PAM: variants seen among roughly 807,000 people sequenced by gnomAD.
The protein encoded by PAM is peptidylglycine alpha-amidating monooxygenase, also known as peptidyl-glycine alpha-amidating monooxygenase.
PAM carries 72 observed loss-of-function variants against 122.1 expected under a neutral mutation model. The observed-to-expected ratio is 0.59, with a 90% CI of 0.49 to 0.72. PAM has a LOEUF of 0.72. PAM is among the 30% of genes least tolerant of loss of function. The pLI is 0.00. For synonymous variants in PAM, 389 were observed against 404.4 expected, an observed-to-expected ratio of 0.96 and a Z score of 0.46; for missense variants, 1,106 against 1,183.7, an observed-to-expected ratio of 0.93 and a Z score of 0.96.
intron 1 of PAM, among the ~76,000 whole-genome samples, chr5:102,851,423 AT>A (rs1400328230): frequency 6.6e-6 from 1 of 152,180 alleles, no homozygotes. Context: ...CCTTTATCTC[AT>A]TACAATGTAA....
chr5:102,924,841 G>A (rs1748865059), intron 5 of PAM, 116 bp from the exon 6 acceptor site: 2 of 649,260 alleles, frequency 3.1e-6, no homozygotes, highest in South Asian at 3.9e-5. Flanking sequence ...ATGCAATGAT[G>A]ATATATTGAT....
chr5:102,833,963 A>G (rs1776191571), intron 1 of PAM, among the ~76,000 whole-genome samples: 1 of 152,150 alleles, frequency 6.6e-6, no homozygotes, highest in South Asian at 2.1e-4. Flanking sequence ...TCTCCTCTAT[A>G]TTGATTTCAT....
intron 1 of PAM, among the ~76,000 whole-genome samples, chr5:102,856,415 C>T (rs770602081): frequency 5.9e-5 from 9 of 152,118 alleles, no homozygotes; most frequent in Non-Finnish European, 1.0e-4. Flanking sequence ...TAATGCTTTC[C>T]GCTGCAGTTC....
chr5:102,875,607 GC>G (rs1788919824), intron 3 of PAM, among the ~76,000 whole-genome samples: 1 of 152,174 alleles, frequency 6.6e-6, no homozygotes, highest in Non-Finnish European at 1.5e-5. Context: ...GTTAAAAGAT[GC>G]TTTGCAATGA....
rs528960338 is a variant in PAM at position 103,028,368 on chromosome 5, T to C, written c.2743+130T>C. The C allele has an allele frequency of 1.9e-4, 127 of 653,830 alleles. 1 individual carries two copies. In the South Asian group the frequency reaches 2.2e-3, roughly 11 times the overall value. The allele number at this position is 653,830 out of a possible 1,614,324, so 40.5% of individuals were successfully genotyped here. Reference sequence around the variant, plus strand: ...AGCACCTTGTATGCAGCTTAGCATCTCCCAGAGTAAATACAGAATGCACAC... The same window carrying C: ...AGCACCTTGTATGCAGCTTAGCATCCCCCAGAGTAAATACAGAATGCACAC... On this transcript the variant is annotated intron_variant, in intron 25 of 25. Transcript: ENST00000438793.
chr5:102,776,683 A>G lies in PAM; in HGVS notation c.-374+21335A>G, dbSNP rs530111698. On this transcript the variant is annotated intron_variant, in intron 1 of 25. Coordinates refer to ENST00000438793, the MANE Select transcript of PAM (RefSeq NM_001177306.2). ...AGAAACAGATAAAATTTACTCTCTTAACCATTTTTAAATGTACAGGTCAGT... is the reference window on the plus strand; with the variant it reads ...AGAAACAGATAAAATTTACTCTCTTGACCATTTTTAAATGTACAGGTCAGT... Among the ~76,000 whole-genome samples the G allele has an allele frequency of 9.5e-4, 145 of 152,180 alleles. 1 individual carries two copies. Among genetic ancestry groups the G allele is most frequent in the African/African-American group, 3.3e-3 (138 of 41,534 alleles).
At chr5:102,972,698 G>A (rs1000043308) in intron 14 of PAM, among the ~76,000 whole-genome samples, 8 of 152,196 alleles carry the variant, frequency 5.3e-5, no homozygotes, top group African/African-American at 1.9e-4. Flanking sequence ...TGTGGTACAC[G>A]AGAATTTAGC....
At chr5:102,934,859 C>T (rs1752760650) in intron 7 of PAM, among the ~76,000 whole-genome samples, 1 of 152,070 alleles carries the variant, frequency 6.6e-6, no homozygotes, top group African/African-American at 2.4e-5. Flanking sequence ...AATGAGAAAA[C>T]TTTAGCCTTC....
chr5:102,757,182 T>C (rs112987944), intron 1 of PAM, among the ~76,000 whole-genome samples: 4,502 of 152,102 alleles, frequency 0.03, 118 homozygotes, highest in East Asian at 0.14. Flanking sequence ...AAAAAATTAC[T>C]TGGGCATAGT....
chr5:102,848,140 CT>C (rs1190247057), intron 1 of PAM, among the ~76,000 whole-genome samples: 5 of 151,910 alleles, frequency 3.3e-5, no homozygotes, highest in Admixed American at 6.6e-5. Flanking sequence ...CTCTTTCTCT[CT>C]CTTCATGTCC....
In PAM at chr5:102,952,781, T is replaced by C. The variant is rs114790801; in HGVS notation, c.905+1961T>C. Among the ~76,000 whole-genome samples the C allele has an allele frequency of 7.3e-3, 1,117 of 152,286 alleles. 8 individuals are homozygous for C. Among genetic ancestry groups the C allele is most frequent in the Non-Finnish European group, 0.012 (846 of 68,026 alleles). ...GGATCACAGTTGAGAATGTGACCAGTGAAATAAACTAGTAATTTATGATGT... is the reference window on the plus strand; with the variant it reads ...GGATCACAGTTGAGAATGTGACCAGCGAAATAAACTAGTAATTTATGATGT... On this transcript the variant is annotated intron_variant, in intron 12 of 25. Coordinates refer to ENST00000438793, the MANE Select transcript of PAM (RefSeq NM_001177306.2).
chr5:102,784,286 A>G (rs1180502360), intron 1 of PAM, among the ~76,000 whole-genome samples: 1 of 152,052 alleles, frequency 6.6e-6, no homozygotes, highest in Non-Finnish European at 1.5e-5. Context: ...TTCTGTCCCT[A>G]GCACACCTAA....
At chr5:102,875,316 C>T (rs1788802148) in intron 3 of PAM, among the ~76,000 whole-genome samples, 1 of 152,038 alleles carries the variant, frequency 6.6e-6, no homozygotes, top group South Asian at 2.1e-4. Flanking sequence ...TCTCAGCCTC[C>T]TGAGTAGCTG....
Position 103,003,161 on chromosome 5 carries a change from G to A in PAM, c.1730+12G>A. ...AGTGGAAAAAATCTGTGAGTTAAATGACTTATGTTGTTAAGACTTGTACTA... is the reference window on the plus strand; with the variant it reads ...AGTGGAAAAAATCTGTGAGTTAAATAACTTATGTTGTTAAGACTTGTACTA... On this transcript the variant is annotated intron_variant, in intron 17 of 25. Coordinates refer to ENST00000438793, the MANE Select transcript of PAM (RefSeq NM_001177306.2). 1.8e-6 allele frequency: 2 copies of A among 1,112,918 alleles called. No individual in the cohort carries two copies. The highest frequency in any genetic ancestry group is 1.9e-4 in the Middle Eastern group (1 of 5,142). 68.9% of individuals were successfully genotyped at this position (1,112,918 alleles called of 1,614,324 possible).
intron 1 of PAM, among the ~76,000 whole-genome samples, chr5:102,774,653 A>T (rs1455800005): frequency 2.0e-5 from 3 of 151,858 alleles, no homozygotes; most frequent in Admixed American, 2.0e-4. Context: ...GAACATCTTA[A>T]TTTTTTTATT....
intron 4 of PAM, among the ~76,000 whole-genome samples, chr5:102,906,864 A>G (rs78198981): frequency 0.019 from 2,814 of 151,834 alleles, 129 homozygotes; most frequent in East Asian, 0.18. Context: ...ATTCTGTAGG[A>G]AATTAATAGT....
intron 1 of PAM, among the ~76,000 whole-genome samples, chr5:102,764,580 G>T (rs535783063): frequency 6.6e-6 from 1 of 152,244 alleles, no homozygotes; most frequent in African/African-American, 2.4e-5. Flanking sequence ...CCAGAAATAC[G>T]GGGCGTGAGG....
rs1310064923 is a variant in PAM, at chr5:102,762,664, G to A, written c.-374+7316G>A. 4.6e-5 allele frequency among the ~76,000 whole-genome samples: 7 copies of A among 152,182 alleles called. No individual in the cohort carries two copies. In the South Asian group the frequency reaches 1.2e-3, roughly 27 times the overall value. The stretch of plus-strand genomic sequence containing the variant: ...GGTTCTAGTGTTTGGGGAATAAAGC[G>A]GTAACAATGAGGGTTAAAAAAAAAT... On this transcript the variant is annotated intron_variant, in intron 1 of 25. Coordinates refer to ENST00000438793, the MANE Select transcript of PAM (RefSeq NM_001177306.2).
intron 12 of PAM, among the ~76,000 whole-genome samples, chr5:102,957,304 C>G (rs1761059593): frequency 2.0e-5 from 3 of 152,068 alleles, no homozygotes; most frequent in South Asian, 2.1e-4. Flanking sequence ...TCTTACAGTA[C>G]AGCTTTTCTT....
Sources: allele counts gnomAD v4.1 joint callset (sites outside exome capture counted in the v4.1 genomes callset), GRCh38; gene constraint gnomAD v4.1.1; transcripts MANE v1.5; gene names NCBI Gene and HGNC (gene_info 2026-07-23, HGNC 2026-07-21).